Variants in VRK3 observed in about 807,000 individuals in gnomAD.
VRK3 encodes the protein serine/threonine-protein kinase VRK3.
In VRK3, 50 loss-of-function variants were observed where a neutral mutation model predicts 60.4. That is an observed-to-expected ratio of 0.83 (90% CI 0.66 to 1.05). The LOEUF (loss-of-function observed/expected upper bound fraction) is 1.05. VRK3 is among the 50% of genes least tolerant of loss of function. The pLI is 0.00. For synonymous variants in VRK3, 246 were observed against 227.8 expected (o/e 1.08, Z -0.72); for missense variants, 549 against 585.3 (o/e 0.94, Z 0.64).
intron 1 of VRK3, among the ~76,000 whole-genome samples, chr19:50,021,494 G>A (rs1404261311): frequency 1.3e-5 from 2 of 152,228 alleles, no homozygotes; most frequent in African/African-American, 4.8e-5. Flanking sequence ...GAAACCACAT[G>A]GAGAGGCTCA....
intron 14 of VRK3, among the ~76,000 whole-genome samples, chr19:49,977,915 G>A (rs2076358187): frequency 6.6e-6 from 1 of 152,166 alleles, no homozygotes. Flanking sequence ...GGTGCTCCAC[G>A]AATCGCTTGA....
chr19:49,994,384 G>C (rs187083309), intron 9 of VRK3, among the ~76,000 whole-genome samples: 50 of 152,244 alleles, frequency 3.3e-4, no homozygotes, highest in Non-Finnish European at 6.3e-4. Context: ...TATTTAATGG[G>C]GATGAATGAA....
chr19:50,001,233 G>A (rs563973123), intron 5 of VRK3: 99 of 197,218 alleles, frequency 5.0e-4, no homozygotes, highest in African/African-American at 2.3e-3. Flanking sequence ...CCTGGGATGC[G>A]GATACATGTC....
chr19:50,019,509 A>C (rs1390323188), intron 2 of VRK3, among the ~76,000 whole-genome samples: 1 of 150,414 alleles, frequency 6.6e-6, no homozygotes, highest in Non-Finnish European at 1.5e-5. Context: ...CAGACTGTAC[A>C]CTTCTTTTTT....
chr19:50,007,086 G>A (rs1310749018), intron 5 of VRK3, among the ~76,000 whole-genome samples: 1 of 152,122 alleles, frequency 6.6e-6, no homozygotes, highest in Non-Finnish European at 1.5e-5. Context: ...CTGTGTGGGA[G>A]GCCTGCCTGC....
intron 12 of VRK3, among the ~76,000 whole-genome samples, chr19:49,985,654 C>A (rs1203845033): frequency 1.3e-5 from 2 of 152,174 alleles, no homozygotes; most frequent in African/African-American, 4.8e-5. Context: ...TGTGTTTCAC[C>A]CTTTAGCTCC....
At chr19:50,010,000 A>G (rs2076966452) in intron 3 of VRK3, among the ~76,000 whole-genome samples, 1 of 152,066 alleles carries the variant, frequency 6.6e-6, no homozygotes, top group South Asian at 2.1e-4. Context: ...AGCTATGTCT[A>G]GTCTGCTGTT....
At chr19:49,990,543 G>C (rs2076592832) in intron 10 of VRK3, among the ~76,000 whole-genome samples, 1 of 151,806 alleles carries the variant, frequency 6.6e-6, no homozygotes, top group South Asian at 2.1e-4. Flanking sequence ...ACCATGCCCA[G>C]CCGATTTTTT....
At chr19:49,995,070 C>G (rs2076678033) in intron 8 of VRK3, 121 bp downstream of exon 8, 3 of 1,302,326 alleles carry the variant, frequency 2.3e-6, no homozygotes, top group African/African-American at 1.5e-5. Context: ...TAGGTCAAAA[C>G]TACGAGAAGG....
chr19:50,007,746 G>A lies in VRK3; in HGVS notation c.370C>T (p.Gln124Ter). The A allele has an allele frequency of 6.2e-7, 1 of 1,613,282 alleles. No homozygotes were observed. Among genetic ancestry groups the A allele is most frequent in the East Asian group, 2.2e-5 (1 of 44,688 alleles). Residue 124 changes from glutamine to a stop codon, truncating the protein, a stop_gained, in exon 5 of 15, where the codon CAG (glutamine) becomes TAG (stop). Coordinates refer to ENST00000316763, the MANE Select transcript of VRK3 (RefSeq NM_016440.4). LOFTEE classifies it high-confidence loss of function. ...KSPQVTRGSP[Q>*]KTSCSPQKTR... ...TTCTGAGGGCTACAGCTGGTCTTCTGAGGGCTACCCCTGGTCACCTGAGGG... is the reference window on the plus strand; with the variant it reads ...TTCTGAGGGCTACAGCTGGTCTTCTAAGGGCTACCCCTGGTCACCTGAGGG...
At chr19:50,008,734 G>C (rs1270442617) in intron 4 of VRK3, 1 of 153,268 alleles carries the variant, frequency 6.5e-6, no homozygotes, top group Non-Finnish European at 1.5e-5. Context: ...AGGCTGGAAA[G>C]AGGCTCTGGC....
At chr19:50,015,080 G>C (rs1311056107) in intron 3 of VRK3, among the ~76,000 whole-genome samples, 1 of 152,052 alleles carries the variant, frequency 6.6e-6, no homozygotes, top group Admixed American at 6.6e-5. Flanking sequence ...GGTCCGGCCT[G>C]GGAAACTGGA....
chr19:49,989,909 G>T, intron 10 of VRK3, 138 bp from the exon 11 acceptor site: 1 of 1,051,230 alleles, frequency 9.5e-7, no homozygotes, highest in Non-Finnish European at 1.3e-6. Context: ...CATGCTCATA[G>T]TAAAAATGAT....
chr19:49,984,715 C>T (rs919620897), intron 12 of VRK3, among the ~76,000 whole-genome samples: 3 of 152,180 alleles, frequency 2.0e-5, no homozygotes, highest in African/African-American at 7.2e-5. Flanking sequence ...ACTGCAGCCT[C>T]CACCTCCTTG....
chr19:50,016,303 T>C, intron 2 of VRK3, 140 bp from the exon 3 acceptor site: 1 of 1,114,706 alleles, frequency 9.0e-7, no homozygotes. Flanking sequence ...GTTCACTTCT[T>C]AAAACATGCA....
intron 2 of VRK3, among the ~76,000 whole-genome samples, chr19:50,018,631 T>A (rs1324196680): frequency 6.6e-6 from 1 of 152,210 alleles, no homozygotes; most frequent in Non-Finnish European, 1.5e-5. Flanking sequence ...AGAAAGCCAG[T>A]CATTCTAACT....
At chr19:50,007,470 A>G in intron 5 of VRK3, 99 bp downstream of exon 5, 1 of 1,547,512 alleles carries the variant, frequency 6.5e-7, no homozygotes, top group South Asian at 1.2e-5. Context: ...GTCTGCAGCT[A>G]GGGATGTGGC....
At chr19:49,981,793 G>GAC (rs150610662) in intron 12 of VRK3, 32,760 of 1,016,554 alleles carry the variant, frequency 0.032, 893 homozygotes, top group African/African-American at 0.19. Flanking sequence ...CACACACACA[G>GAC]ACACACACAC....
chr19:50,016,105 G>C lies in VRK3; in HGVS notation c.58C>G (p.Pro20Ala), dbSNP rs374922586. 5 of 1,614,072 alleles carry C rather than the reference G, an allele frequency of 3.1e-6. No individual in the cohort carries two copies. The highest frequency in any genetic ancestry group is 4.2e-6 in the Non-Finnish European group (5 of 1,180,050). ...ACAGGCAAAGAATTTCCACAGTAGG[G>C]GCAGAATTTGAATGCCGCTTGGATA... ...KSIQAAFKFCPYCGNSLPVEE... is the reference protein window; with the variant it reads ...KSIQAAFKFCAYCGNSLPVEE... The change falls in exon 3 of 15, where the codon CCC becomes GCC. Residue 20 changes from proline to alanine, a missense_variant. Pro to Ala is a conservative substitution (Grantham distance 27). Coordinates refer to ENST00000316763, the MANE Select transcript of VRK3 (RefSeq NM_016440.4).
Sources: gnomAD v4.1 joint callset for allele counts (sites outside exome capture counted in the v4.1 genomes callset) on GRCh38, gnomAD v4.1.1 for gene constraint, MANE v1.5 for transcripts, NCBI Gene and HGNC (gene_info 2026-07-23, HGNC 2026-07-21) for gene names.